The following SLMAP variants were observed in gnomAD, a reference collection of about 807,000 sequenced individuals.
SLMAP encodes sarcolemma associated protein, also known as sarcolemmal membrane-associated protein.
A neutral mutation model predicts 128.8 loss-of-function variants in SLMAP; 44 were observed. The observed-to-expected ratio is 0.34, with a 90% confidence interval of 0.27 to 0.44. The LOEUF is 0.44. SLMAP is among the 20% of genes least tolerant of loss of function. SLMAP has a pLI of 1.00. For missense variants in SLMAP, 787 were observed against 985.3 expected, an observed-to-expected ratio of 0.80 and a Z score of 2.69; for synonymous variants, 327 against 348.8, an observed-to-expected ratio of 0.94 and a Z score of 0.70.
At chr3:57,843,069 A>G (rs2094017862) in intron 4 of SLMAP, among the ~76,000 whole-genome samples, 1 of 152,218 alleles carries the variant, frequency 6.6e-6, no homozygotes, top group Non-Finnish European at 1.5e-5. Context: ...TAAGCACACA[A>G]TAAACTTTAG....
At chr3:57,815,071 T>A (rs140258476) in intron 2 of SLMAP, among the ~76,000 whole-genome samples, 1 of 152,178 alleles carries the variant, frequency 6.6e-6, no homozygotes, top group Non-Finnish European at 1.5e-5. Context: ...GAAAACAGTT[T>A]TTCCATGGAT....
At chr3:57,847,135 C>A in intron 4 of SLMAP, 62 bp from the exon 5 acceptor site, 1 of 1,071,488 alleles carries the variant, frequency 9.3e-7, no homozygotes, top group Non-Finnish European at 1.4e-6. Flanking sequence ...TTCTGGTGCT[C>A]TCATACTCTG....
At chr3:57,846,140 C>T (rs373436216) in intron 4 of SLMAP, among the ~76,000 whole-genome samples, 27 of 152,206 alleles carry the variant, frequency 1.8e-4, no homozygotes, top group African/African-American at 6.5e-4. Flanking sequence ...GTGCCTGACT[C>T]GATTATCTCA....
At chr3:57,868,705 CA>C (rs938732476) in intron 13 of SLMAP, among the ~76,000 whole-genome samples, 1 of 149,710 alleles carries the variant, frequency 6.7e-6, no homozygotes, top group Non-Finnish European at 1.5e-5. Context: ...CCAGCCTGGA[CA>C]ACAGAGTAAG....
chr3:57,904,281 A>G (rs2096471312), intron 17 of SLMAP, among the ~76,000 whole-genome samples: 1 of 152,152 alleles, frequency 6.6e-6, no homozygotes, highest in Non-Finnish European at 1.5e-5. Context: ...AATCTTAGCC[A>G]GGCACAGAGG....
intron 19 of SLMAP, among the ~76,000 whole-genome samples, chr3:57,910,681 A>C (rs754323321): frequency 6.6e-6 from 1 of 152,212 alleles, no homozygotes; most frequent in Non-Finnish European, 1.5e-5. Context: ...TGAGGAAATT[A>C]TATGATACCC....
intron 2 of SLMAP, among the ~76,000 whole-genome samples, chr3:57,822,317 A>T (rs1282973950): frequency 6.6e-6 from 1 of 152,148 alleles, no homozygotes; most frequent in Non-Finnish European, 1.5e-5. Context: ...TTGCAGGAAT[A>T]ACAGTGTTAA....
intron 6 of SLMAP, among the ~76,000 whole-genome samples, chr3:57,850,737 G>A (rs1265640936): frequency 6.6e-6 from 1 of 152,084 alleles, no homozygotes; most frequent in East Asian, 1.9e-4. Context: ...GGGCCCAAGC[G>A]ATTCTCCTGC....
chr3:57,849,464 C>T (rs1189893217), intron 5 of SLMAP, among the ~76,000 whole-genome samples: 3 of 152,042 alleles, frequency 2.0e-5, no homozygotes, highest in Non-Finnish European at 4.4e-5. Flanking sequence ...ATGGCTACTT[C>T]TAAATGAATG....
At chr3:57,900,456 C>T (rs2096351592) in intron 17 of SLMAP, 2 of 152,168 alleles carry the variant, frequency 1.3e-5, no homozygotes, top group Non-Finnish European at 2.9e-5. Flanking sequence ...CACTTCAAAT[C>T]ATGTCTGTTG....
chr3:57,912,559 T>C lies in SLMAP; in HGVS notation c.1878T>C (p.Leu626=). 1.2e-6 allele frequency: 2 copies of C among 1,614,082 alleles called. No individual in the cohort carries two copies. The highest frequency in any genetic ancestry group is 2.2e-5 in the South Asian group (2 of 91,078). ...ACATTGCTTCTTTACAAGAAGAGCTTAAGAAGGTGAGAGCTGAGCTTGAGC... is the reference window on the plus strand; with the variant it reads ...ACATTGCTTCTTTACAAGAAGAGCTCAAGAAGGTGAGAGCTGAGCTTGAGC... The part of the protein sequence containing the change: ...DTDIASLQEE[L]KKVRAELERW... Residue 626 remains leucine (L), a synonymous_variant, in exon 20 of 25, where the codon CTT becomes CTC. Coordinates refer to ENST00000671191, the MANE Select transcript of SLMAP (RefSeq NM_001377540.1).
rs546180044 is a variant in SLMAP at position 57,827,410 on chromosome 3, G to A, written c.199-3973G>A. Among the ~76,000 whole-genome samples the A allele has an allele frequency of 3.9e-5, 6 of 152,342 alleles. No individual in the cohort carries two copies. The East Asian group carries it at 7.7e-4, about 20-fold the overall frequency. On this transcript the variant is annotated intron_variant, in intron 2 of 24. Coordinates refer to ENST00000671191, the MANE Select transcript of SLMAP (RefSeq NM_001377540.1). ...CAAATTGTGCAACCTGTGAAGTGCT[G>A]TTCCTGTGTCATTGAAGTTAATCAG...
At chr3:57,868,551 C>T (rs1035800342) in intron 13 of SLMAP, among the ~76,000 whole-genome samples, 1 of 151,862 alleles carries the variant, frequency 6.6e-6, no homozygotes, top group Admixed American at 6.6e-5. Context: ...CATAGTGAGA[C>T]TTCTGTCTCT....
At chr3:57,920,437 C>T (rs1242523192) in intron 22 of SLMAP, among the ~76,000 whole-genome samples, 1 of 152,208 alleles carries the variant, frequency 6.6e-6, no homozygotes, top group East Asian at 1.9e-4. Context: ...TCTCTCCTGT[C>T]TAATGTTTTT....
intron 2 of SLMAP, among the ~76,000 whole-genome samples, chr3:57,803,166 C>T (rs891212940): frequency 2.0e-5 from 3 of 151,824 alleles, no homozygotes; most frequent in Admixed American, 1.3e-4. Context: ...ACTTTGATTC[C>T]ATGAAAAATG....
At chr3:57,771,639 C>T (rs919071053) in intron 2 of SLMAP, among the ~76,000 whole-genome samples, 2 of 152,154 alleles carry the variant, frequency 1.3e-5, no homozygotes, top group East Asian at 1.9e-4. Context: ...GATCCCCCCA[C>T]CTTGGCCTCC....
intron 14 of SLMAP, among the ~76,000 whole-genome samples, chr3:57,886,176 T>C (rs2095881802): frequency 6.6e-6 from 1 of 150,556 alleles, no homozygotes; most frequent in Non-Finnish European, 1.5e-5. Context: ...TGATCTCAGC[T>C]CACTGCAACC....
chr3:57,860,331 T>C (rs920429831), intron 8 of SLMAP, among the ~76,000 whole-genome samples: 4 of 152,238 alleles, frequency 2.6e-5, no homozygotes, highest in Non-Finnish European at 5.9e-5. Flanking sequence ...CCTTTTGTTT[T>C]AACCATTGTT....
chr3:57,905,320 T>C (rs1346662187), intron 17 of SLMAP, among the ~76,000 whole-genome samples: 3 of 152,240 alleles, frequency 2.0e-5, no homozygotes, highest in African/African-American at 7.2e-5. Flanking sequence ...CTCACTCTGT[T>C]GCCCAGGCTG....
Sources: gnomAD v4.1 joint callset for allele counts (sites outside exome capture counted in the v4.1 genomes callset) on GRCh38, gnomAD v4.1.1 for gene constraint, MANE v1.5 for transcripts, NCBI Gene and HGNC (gene_info 2026-07-23, HGNC 2026-07-21) for gene names.